The following ZNF475 variants were observed in gnomAD, a reference collection of about 807,000 sequenced individuals.
ZNF475 encodes zinc finger protein 475.
the ZNF475 span, among the ~76,000 whole-genome samples, chr5:122,161,259 A>G: frequency 3.3e-5 from 5 of 152,256 alleles, no homozygotes; most frequent in African/African-American, 1.2e-4. Context: ...ATAAGTTTCC[A>G]GTATTCTCAG....
chr5:122,160,348 TGTGTGTGTCGAAG>T, the ZNF475 span: 1 of 1,099,694 alleles, frequency 9.1e-7, no homozygotes, highest in Non-Finnish European at 1.2e-6. Flanking sequence ...GTGTGGAATA[TGTGTGTGTCGAAG>T]GTGGGGAAAG....
At chr5:122,163,347 A>C in the ZNF475 span, 2 of 152,238 alleles carry the variant, frequency 1.3e-5, no homozygotes, top group African/African-American at 4.8e-5. Flanking sequence ...AAATGCTGAT[A>C]ATTAGTTGCC....
chr5:122,181,576 G>T, the ZNF475 span, among the ~76,000 whole-genome samples: 1 of 152,178 alleles, frequency 6.6e-6, no homozygotes, highest in Non-Finnish European at 1.5e-5. Context: ...GTTCACTGTG[G>T]TTGTGTGAAC....
the ZNF475 span, among the ~76,000 whole-genome samples, chr5:122,164,548 G>A: frequency 6.6e-6 from 1 of 152,062 alleles, no homozygotes; most frequent in African/African-American, 2.4e-5. Context: ...CTGTGTGCAG[G>A]GACCAGGGGC....
the ZNF475 span, among the ~76,000 whole-genome samples, chr5:122,174,887 G>A: frequency 6.6e-6 from 1 of 152,068 alleles, no homozygotes; most frequent in Non-Finnish European, 1.5e-5. Context: ...AAATAAACAT[G>A]TTAAAAAAAT....
the ZNF475 span, among the ~76,000 whole-genome samples, chr5:122,160,729 C>T: frequency 6.6e-6 from 1 of 152,146 alleles, no homozygotes; most frequent in African/African-American, 2.4e-5. Context: ...TGAACAAAAA[C>T]CATAACATAG....
the ZNF475 span, among the ~76,000 whole-genome samples, chr5:122,179,186 G>A: frequency 6.6e-6 from 1 of 152,046 alleles, no homozygotes; most frequent in African/African-American, 2.4e-5. Flanking sequence ...TTCCAGCTTT[G>A]TTCTTCTTTT....
At chr5:122,161,181 A>C in the ZNF475 span, among the ~76,000 whole-genome samples, 1 of 152,214 alleles carries the variant, frequency 6.6e-6, no homozygotes, top group Non-Finnish European at 1.5e-5. Flanking sequence ...TTACTTTATA[A>C]GGTTGTCTTA....
the ZNF475 span, among the ~76,000 whole-genome samples, chr5:122,174,189 G>A: frequency 1.3e-5 from 2 of 151,080 alleles, no homozygotes; most frequent in Admixed American, 6.6e-5. Context: ...TCTTCTTTCC[G>A]TTCCTTCTCT....
the ZNF475 span, among the ~76,000 whole-genome samples, chr5:122,181,109 T>C: frequency 1.0e-3 from 155 of 152,302 alleles, 1 homozygote; most frequent in Non-Finnish European, 1.5e-3. Flanking sequence ...TGCCTACAGA[T>C]GGAAAAGATG....
the ZNF475 span, among the ~76,000 whole-genome samples, chr5:122,162,775 T>C: frequency 1.3e-5 from 2 of 152,308 alleles, no homozygotes; most frequent in East Asian, 3.9e-4. Flanking sequence ...CCATCCTTCA[T>C]AGGACTGTTT....
the ZNF475 span, among the ~76,000 whole-genome samples, chr5:122,168,963 C>G: frequency 6.6e-6 from 1 of 152,250 alleles, no homozygotes; most frequent in African/African-American, 2.4e-5. Context: ...GGATCTGGAC[C>G]AAGGTGGAAA....
chr5:122,161,500 G>A, the ZNF475 span, among the ~76,000 whole-genome samples: 2 of 152,190 alleles, frequency 1.3e-5, no homozygotes, highest in Non-Finnish European at 2.9e-5. Flanking sequence ...ATTCTTTCTG[G>A]CCTATCCAAG....
the ZNF475 span, among the ~76,000 whole-genome samples, chr5:122,179,085 C>T: frequency 6.6e-6 from 1 of 152,090 alleles, no homozygotes; most frequent in Non-Finnish European, 1.5e-5. Flanking sequence ...TGTTCTGTTC[C>T]ATTGGTCTAT....
the ZNF475 span, among the ~76,000 whole-genome samples, chr5:122,165,686 G>C: frequency 2.0e-5 from 3 of 151,682 alleles, no homozygotes; most frequent in East Asian, 5.8e-4. Flanking sequence ...AATGAACACA[G>C]GGAATATGGC....
At chr5:122,167,307 C>T in the ZNF475 span, among the ~76,000 whole-genome samples, 2 of 152,100 alleles carry the variant, frequency 1.3e-5, no homozygotes, top group African/African-American at 2.4e-5. Context: ...AATGGGGTTG[C>T]TTCCTAATGG....
chr5:122,171,742 CTTT>C, the ZNF475 span, among the ~76,000 whole-genome samples: 2 of 144,622 alleles, frequency 1.4e-5, no homozygotes, highest in Non-Finnish European at 1.5e-5. Flanking sequence ...CTTCTCTATA[CTTT>C]TTTTTTTTTT....
the ZNF475 span, chr5:122,180,056 A>G: frequency 6.2e-6 from 1 of 160,336 alleles, no homozygotes; most frequent in African/African-American, 2.4e-5. Flanking sequence ...AAAAAATAAA[A>G]ATGAATAAAA....
At chr5:122,180,510 G>A in the ZNF475 span, among the ~76,000 whole-genome samples, 1 of 152,098 alleles carries the variant, frequency 6.6e-6, no homozygotes, top group Non-Finnish European at 1.5e-5. Context: ...ATTCATTTAG[G>A]GTATGAGAAT....
Sources: allele counts gnomAD v4.1 joint callset (sites outside exome capture counted in the v4.1 genomes callset), GRCh38; gene constraint gnomAD v4.1.1; transcripts MANE v1.5; gene names NCBI Gene and HGNC (gene_info 2026-07-23, HGNC 2026-07-21).